The following DPH6 variants were observed in gnomAD, a reference collection of about 807,000 sequenced individuals.
DPH6 encodes the protein diphthine--ammonia ligase.
In DPH6, 33 loss-of-function variants were observed where a neutral mutation model predicts 38.2. That is an observed-to-expected ratio of 0.86 (90% CI 0.65 to 1.15). The LOEUF is 1.15. Among genes scored for constraint, DPH6 ranks in the 50% most tolerant of loss-of-function variants. The pLI, the probability that DPH6 is intolerant of heterozygous loss-of-function variation, is 0.00. For missense variants in DPH6, 325 were observed against 320.0 expected, an observed-to-expected ratio of 1.02 and a Z score of -0.12; for synonymous variants, 108 against 103.0, an observed-to-expected ratio of 1.05 and a Z score of -0.30.
intron 3 of DPH6, chr15:35,522,150 CT>C: frequency 1.2e-6 from 2 of 1,613,268 alleles, no homozygotes; most frequent in Non-Finnish European, 1.7e-6. Flanking sequence ...GTTTATCAAA[CT>C]TGCTGTGAGT....
At chr15:35,400,540 A>G (rs761351584) in intron 6 of DPH6, among the ~76,000 whole-genome samples, 22 of 152,194 alleles carry the variant, frequency 1.4e-4, no homozygotes, top group Admixed American at 3.3e-4. Context: ...AATATCAAAA[A>G]CAACATGGAA....
chr15:35,309,898 A>G (rs2140821773), intron 3 of DPH6, among the ~76,000 whole-genome samples: 1 of 152,320 alleles, frequency 6.6e-6, no homozygotes, highest in African/African-American at 2.4e-5. Context: ...TGAAATGTGA[A>G]TATCTATAAT....
At chr15:35,307,458 T>C (rs2140816299) in intron 3 of DPH6, among the ~76,000 whole-genome samples, 1 of 152,282 alleles carries the variant, frequency 6.6e-6, no homozygotes, top group East Asian at 1.9e-4. Flanking sequence ...CTAAATGTAA[T>C]ACCTGATCCT....
At chr15:35,213,705 T>C (rs1346462266), downstream of DPH6, among the ~76,000 whole-genome samples, 1 of 152,088 alleles carries the variant, frequency 6.6e-6, no homozygotes, top group South Asian at 2.1e-4. Context: ...CCCAATTACA[T>C]CACACAAAGA....
intron 1 of DPH6, among the ~76,000 whole-genome samples, chr15:35,545,348 T>C (rs1429695771): frequency 6.6e-6 from 1 of 152,280 alleles, no homozygotes; most frequent in African/African-American, 2.4e-5. Flanking sequence ...AGGACTTATT[T>C]AGACACTTAA....
intron 3 of DPH6, among the ~76,000 whole-genome samples, chr15:35,261,776 T>C (rs1481592908): frequency 6.6e-6 from 1 of 150,876 alleles, no homozygotes; most frequent in Non-Finnish European, 1.5e-5. Flanking sequence ...GAGGCTTCAG[T>C]AAGCCCTGAT....
At chr15:35,496,567 A>AAAT in intron 3 of DPH6, among the ~76,000 whole-genome samples, 12 of 31,012 alleles carry the variant, frequency 3.9e-4, no homozygotes, top group Non-Finnish European at 5.8e-4. Context: ...AAAAAAAAAA[A>AAAT]ATATATATAT....
chr15:35,486,432 A>G (rs1248816575), intron 3 of DPH6, among the ~76,000 whole-genome samples: 1 of 152,192 alleles, frequency 6.6e-6, no homozygotes, highest in Non-Finnish European at 1.5e-5. Context: ...CAGAAAACTT[A>G]CAATCATGGC....
Position 35,538,244 on chromosome 15 carries a change from C to G in DPH6, c.312+30G>C, listed in dbSNP as rs368574525. On this transcript the variant is annotated intron_variant, in intron 3 of 8. Coordinates refer to ENST00000256538, the MANE Select transcript of DPH6 (RefSeq NM_080650.4). ...TAATTTGTTAAATTACACACTAAAT[C>G]CAATATACTTAATTGGTTACTCTGC... The G allele has an allele frequency of 6.0e-5, 85 of 1,414,344 alleles. 2 individuals carry two copies. The highest frequency in any genetic ancestry group is 5.5e-4 in the South Asian group (30 of 54,592). 87.6% of individuals were successfully genotyped at this position (1,414,344 alleles called of 1,614,324 possible).
chr15:35,441,528 G>T (rs1437975501), intron 5 of DPH6, among the ~76,000 whole-genome samples: 3 of 152,190 alleles, frequency 2.0e-5, no homozygotes, highest in Non-Finnish European at 4.4e-5. Context: ...GATGAAGCTG[G>T]AAACCATCAT....
At chr15:35,478,428 G>C (rs78485578) in intron 3 of DPH6, among the ~76,000 whole-genome samples, 3,032 of 150,438 alleles carry the variant, frequency 0.02, 103 homozygotes, top group African/African-American at 0.071. Context: ...ATATGCAGTG[G>C]ATTTGGGAAA....
chr15:35,180,563 C>T, the DPH6 span, among the ~76,000 whole-genome samples: 2 of 152,132 alleles, frequency 1.3e-5, no homozygotes, highest in South Asian at 2.1e-4. Context: ...TAGGCCCAAG[C>T]GATCCTCCCA....
chr15:35,262,058 G>A (rs920825178), intron 3 of DPH6, among the ~76,000 whole-genome samples: 6 of 152,116 alleles, frequency 3.9e-5, no homozygotes, highest in African/African-American at 1.2e-4. Flanking sequence ...ACTTTTCTCC[G>A]TGTTTACTAC....
chr15:35,152,074 G>T, the DPH6 span, among the ~76,000 whole-genome samples: 1 of 152,258 alleles, frequency 6.6e-6, no homozygotes, highest in East Asian at 1.9e-4. Context: ...TAATTTCAAC[G>T]TTTAAGATTA....
At chr15:35,470,914 A>T (rs1365703924) in intron 3 of DPH6, among the ~76,000 whole-genome samples, 1 of 152,206 alleles carries the variant, frequency 6.6e-6, no homozygotes, top group Non-Finnish European at 1.5e-5. Context: ...CTTAATTAGT[A>T]TAGGAGATGT....
intron 2 of DPH6, among the ~76,000 whole-genome samples, chr15:35,540,483 G>A (rs1453520703): frequency 6.6e-6 from 1 of 152,026 alleles, no homozygotes; most frequent in Non-Finnish European, 1.5e-5. Flanking sequence ...GTCATTCAGT[G>A]AATTGTTCAA....
intron 5 of DPH6, among the ~76,000 whole-genome samples, 190 bp from the exon 6 acceptor site, chr15:35,411,086 C>T (rs1187578785): frequency 6.6e-6 from 1 of 151,588 alleles, no homozygotes; most frequent in Non-Finnish European, 1.5e-5. Context: ...GGTTTTATTG[C>T]TTCTGAAAAG....
downstream of DPH6, among the ~76,000 whole-genome samples, chr15:35,214,562 T>A (rs1034996204): frequency 2.6e-5 from 4 of 152,200 alleles, no homozygotes; most frequent in African/African-American, 9.7e-5. Context: ...ATGTTCAATG[T>A]TACCACTATG....
intron 3 of DPH6, among the ~76,000 whole-genome samples, chr15:35,336,730 T>C (rs2052376064): frequency 6.6e-6 from 1 of 152,204 alleles, no homozygotes; most frequent in African/African-American, 2.4e-5. Flanking sequence ...TTGGTTCTGT[T>C]TATATGCTGG....
Sources: gnomAD v4.1 joint callset for allele counts (sites outside exome capture counted in the v4.1 genomes callset) on GRCh38, gnomAD v4.1.1 for gene constraint, MANE v1.5 for transcripts, NCBI Gene and HGNC (gene_info 2026-07-23, HGNC 2026-07-21) for gene names.